Variants in NXPE2 observed in about 807,000 individuals in gnomAD.
NXPE2 encodes NXPE family member 2.
In NXPE2, 34 loss-of-function variants were observed where a neutral mutation model predicts 34.4. That is an observed-to-expected ratio of 0.99 (90% CI 0.75 to 1.31). The LOEUF is 1.31. NXPE2 is among the 40% of genes most tolerant of loss of function. The pLI is 0.00. For missense variants in NXPE2, 649 were observed against 672.5 expected, an observed-to-expected ratio of 0.97 and a Z score of 0.39; for synonymous variants, 235 against 231.3, an observed-to-expected ratio of 1.02 and a Z score of -0.15.
chr11:114,763,662 T>C, the NXPE2 span, among the ~76,000 whole-genome samples: 33,330 of 152,186 alleles, frequency 0.22, 4,249 homozygotes, highest in South Asian at 0.37. Context: ...CCTCTTTAAT[T>C]GCACCTGGTC....
chr11:114,571,536 T>C, the NXPE2 span: 1 of 1,390,220 alleles, frequency 7.2e-7, no homozygotes, highest in Non-Finnish European at 9.8e-7. Context: ...TGAGTAGATA[T>C]AAAGATGGAA....
chr11:114,652,772 G>T, the NXPE2 span, among the ~76,000 whole-genome samples: 2 of 152,192 alleles, frequency 1.3e-5, no homozygotes, highest in African/African-American at 4.8e-5. Context: ...TGAGACTCTG[G>T]GGTTGGCAGA....
At chr11:114,515,223 A>G in the NXPE2 span, among the ~76,000 whole-genome samples, 1 of 152,112 alleles carries the variant, frequency 6.6e-6, no homozygotes, top group East Asian at 1.9e-4. Context: ...TATGAGAACT[A>G]TATCCCCTGA....
chr11:114,665,822 G>A, the NXPE2 span, among the ~76,000 whole-genome samples: 1 of 152,092 alleles, frequency 6.6e-6, no homozygotes, highest in Non-Finnish European at 1.5e-5. Context: ...TCACATTACT[G>A]TAACTACTTG....
At chr11:114,718,977 A>G in the NXPE2 span, among the ~76,000 whole-genome samples, 24 of 152,210 alleles carry the variant, frequency 1.6e-4, no homozygotes, top group African/African-American at 5.5e-4. Context: ...TTAAGTCTGT[A>G]CTCCTCCTTA....
the NXPE2 span, among the ~76,000 whole-genome samples, chr11:114,492,446 G>C: frequency 1.3e-5 from 2 of 152,042 alleles, no homozygotes; most frequent in African/African-American, 4.8e-5. Flanking sequence ...GTGCTGAGAA[G>C]AATGTGTTTT....
At chr11:114,486,064 A>G in the NXPE2 span, among the ~76,000 whole-genome samples, 1 of 152,176 alleles carries the variant, frequency 6.6e-6, no homozygotes, top group Non-Finnish European at 1.5e-5. Flanking sequence ...TTGAGGAACT[A>G]CCAAACTGTT....
downstream of NXPE2, among the ~76,000 whole-genome samples, chr11:114,708,089 A>C (rs1349596494): frequency 1.3e-5 from 2 of 152,222 alleles, no homozygotes; most frequent in African/African-American, 4.8e-5. Context: ...AGACATGTGC[A>C]GCCCAGAAAT....
the NXPE2 span, among the ~76,000 whole-genome samples, chr11:114,622,668 G>T: frequency 6.6e-6 from 1 of 152,032 alleles, no homozygotes; most frequent in Non-Finnish European, 1.5e-5. Context: ...GTTACCCGGT[G>T]GATAATAAAT....
chr11:114,530,852 C>G, the NXPE2 span: 5 of 1,613,970 alleles, frequency 3.1e-6, no homozygotes, highest in East Asian at 1.1e-4. Context: ...GGAATAAGGA[C>G]TTTGCGGAGT....
At chr11:114,488,157 T>C in the NXPE2 span, among the ~76,000 whole-genome samples, 5 of 152,284 alleles carry the variant, frequency 3.3e-5, no homozygotes, top group Admixed American at 2.0e-4. Flanking sequence ...GGGAGACTTT[T>C]TGTTATGGCT....
the NXPE2 span, among the ~76,000 whole-genome samples, chr11:114,541,381 A>G: frequency 6.6e-6 from 1 of 152,238 alleles, no homozygotes; most frequent in African/African-American, 2.4e-5. Context: ...GTAAAAGAAA[A>G]TATGTTGTAA....
At chr11:114,666,969 C>G in the NXPE2 span, among the ~76,000 whole-genome samples, 1 of 152,138 alleles carries the variant, frequency 6.6e-6, no homozygotes, top group Admixed American at 6.6e-5. Context: ...ACACCCATAG[C>G]CCTCAGAAAC....
the NXPE2 span, among the ~76,000 whole-genome samples, chr11:114,663,312 G>T: frequency 6.6e-6 from 1 of 152,174 alleles, no homozygotes; most frequent in Non-Finnish European, 1.5e-5. Flanking sequence ...TAGCCTCAAT[G>T]CTCTGCCTAG....
chr11:114,553,891 G>A, the NXPE2 span: 62 of 975,290 alleles, frequency 6.4e-5, no homozygotes, highest in Middle Eastern at 1.6e-3. Context: ...CATTTAGATC[G>A]TGGAAGTCAT....
chr11:114,650,107 C>T, the NXPE2 span, among the ~76,000 whole-genome samples: 1 of 152,242 alleles, frequency 6.6e-6, no homozygotes, highest in Middle Eastern at 3.4e-3. Context: ...AAAAGTGTAA[C>T]TTTCTCAAAT....
the NXPE2 span, among the ~76,000 whole-genome samples, chr11:114,783,666 TTC>T: frequency 6.6e-5 from 10 of 152,246 alleles, no homozygotes; most frequent in African/African-American, 2.4e-4. Context: ...TTTTTCCATC[TTC>T]TGTGTGTATA....
downstream of NXPE2, among the ~76,000 whole-genome samples, chr11:114,707,138 C>T (rs1951493632): frequency 1.3e-5 from 2 of 152,162 alleles, no homozygotes; most frequent in African/African-American, 2.4e-5. Flanking sequence ...GTTGCCCAGA[C>T]TGGAGTGCAG....
At chr11:114,745,206 A>G in the NXPE2 span, among the ~76,000 whole-genome samples, 1 of 152,178 alleles carries the variant, frequency 6.6e-6, no homozygotes, top group Non-Finnish European at 1.5e-5. Flanking sequence ...TAATTTATAA[A>G]GAAATGAGGT....
Sources: allele counts gnomAD v4.1 joint callset (sites outside exome capture counted in the v4.1 genomes callset), GRCh38; gene constraint gnomAD v4.1.1; transcripts MANE v1.5; gene names NCBI Gene and HGNC (gene_info 2026-07-23, HGNC 2026-07-21).